The following ADAMTS14 variants were observed in gnomAD, a reference collection of about 807,000 sequenced individuals.
ADAMTS14 encodes A disintegrin and metalloproteinase with thrombospondin motifs 14.
ADAMTS14 carries 100 observed loss-of-function variants against 128.6 expected under a neutral mutation model. The observed-to-expected ratio is 0.78, with a 90% CI of 0.66 to 0.92. The LOEUF is 0.92. Ranked by LOEUF, ADAMTS14 falls within the 40% of genes least tolerant of loss-of-function variation. The probability of loss-of-function intolerance (pLI) is 0.00; values close to 1 mark genes in which losing one functional copy is unlikely to be tolerated. For missense variants in ADAMTS14, 1,562 were observed against 1,658.6 expected (o/e 0.94, Z 1.01); for synonymous variants, 665 against 653.8 (o/e 1.02, Z -0.26).
In ADAMTS14 at chr10:70,758,278, A is replaced by G; in HGVS notation, c.3171A>G (p.Ile1057Met). 1 of 1,613,964 alleles carries G rather than the reference A, an allele frequency of 6.2e-7. No homozygotes were observed. The highest frequency in any genetic ancestry group is 8.5e-7 in the Non-Finnish European group (1 of 1,179,868). Residue 1057 changes from isoleucine (I) to methionine (M), a missense_variant, in exon 21 of 22, where the codon ATA becomes ATG. Physicochemically the swap from Ile to Met is conservative, Grantham distance 10. Coordinates refer to ENST00000373207, the MANE Select transcript of ADAMTS14 (RefSeq NM_080722.4). ...QSEPLHPINK[I>M]SSTEPCTGDR... Reference sequence around the variant, plus strand: ...AACCCCTACATCCCATTAACAAGATATCATCAAGTAAGTACAGTCTATGGA... The same window carrying G: ...AACCCCTACATCCCATTAACAAGATGTCATCAAGTAAGTACAGTCTATGGA...
intron 3 of ADAMTS14, among the ~76,000 whole-genome samples, chr10:70,707,231 A>G (rs1589282261): frequency 1.3e-5 from 2 of 152,072 alleles, no homozygotes; most frequent in Non-Finnish European, 2.9e-5. Flanking sequence ...TCACCTACCC[A>G]CCGTCCATCC....
chr10:70,672,859 C>G lies in ADAMTS14; in HGVS notation c.57C>G (p.Cys19Trp). 6.6e-7 allele frequency: 1 copy of G among 1,504,036 alleles called. No individual in the cohort carries two copies. Among genetic ancestry groups the G allele is most frequent in the African/African-American group, 1.4e-5 (1 of 68,990 alleles). The allele number at this position is 1,504,036 out of a possible 1,614,324, so 93.2% of individuals were successfully genotyped here. A position where few individuals can be genotyped will look rare whatever the true frequency, so the allele number is the denominator to read the frequency against. The change falls in exon 1 of 22, where the codon TGC becomes TGG. Residue 19 changes from cysteine to tryptophan, a missense_variant. Cys to Trp is a radical substitution (Grantham distance 215, BLOSUM62 -2). Coordinates refer to ENST00000373207, the MANE Select transcript of ADAMTS14 (RefSeq NM_080722.4). ...TGCTGCCTTTGCACTGTGCGCTCTGCGCCGCCGCGGGCAGCCGGACCCCAG... is the reference window on the plus strand; with the variant it reads ...TGCTGCCTTTGCACTGTGCGCTCTGGGCCGCCGCGGGCAGCCGGACCCCAG... Reference protein sequence around the residue: ...SYLLPLHCALCAAAGSRTPEL... With the variant: ...SYLLPLHCALWAAAGSRTPEL...
chr10:70,722,702 C>T (rs1289472650), intron 4 of ADAMTS14, among the ~76,000 whole-genome samples: 1 of 152,140 alleles, frequency 6.6e-6, no homozygotes, highest in African/African-American at 2.4e-5. Flanking sequence ...ACACAGGACC[C>T]AACTCAAAGA....
intron 15 of ADAMTS14, among the ~76,000 whole-genome samples, chr10:70,746,996 A>C (rs974980594): frequency 2.0e-5 from 3 of 152,000 alleles, no homozygotes; most frequent in African/African-American, 7.2e-5. Flanking sequence ...GCTTGGTGCC[A>C]ATTTCATCAT....
At chr10:70,693,746 C>A (rs565120953) in intron 2 of ADAMTS14, among the ~76,000 whole-genome samples, 1 of 152,290 alleles carries the variant, frequency 6.6e-6, no homozygotes, top group African/African-American at 2.4e-5. Flanking sequence ...ACCTCAGTAG[C>A]CTTTCACCCA....
rs536520964 is a variant in ADAMTS14, at chr10:70,679,727, G to A, written c.522+4732G>A. On this transcript the variant is annotated intron_variant, in intron 2 of 21. Transcript: ENST00000373207. ...GCCTCTGTGAGTCAGGGCCTGGCGC[G>A]GAAGCAGCCACACGTGTAAGATTTG... Among the ~76,000 whole-genome samples the A allele has an allele frequency of 2.6e-5, 4 of 152,370 alleles. No individual in the cohort carries two copies. The South Asian group carries it at 6.2e-4, about 24-fold the overall frequency.
intron 15 of ADAMTS14, among the ~76,000 whole-genome samples, chr10:70,748,324 G>A (rs1842245977): frequency 6.6e-6 from 1 of 152,194 alleles, no homozygotes; most frequent in Non-Finnish European, 1.5e-5. Context: ...TGAGGTGCAG[G>A]CACAGTCAAA....
In ADAMTS14 at chr10:70,739,117, C is replaced by A; in HGVS notation, c.1748+127C>A. On this transcript the variant is annotated intron_variant, in intron 11 of 21. Transcript: ENST00000373207. ...CCCTGTGGGTGGTTGTGTATGCTAACGCATGAGGACACAAACTTGTTGGTG... is the reference window on the plus strand; with the variant it reads ...CCCTGTGGGTGGTTGTGTATGCTAAAGCATGAGGACACAAACTTGTTGGTG... The A allele has an allele frequency of 4.2e-6, 5 of 1,177,218 alleles. No individual in the cohort carries two copies. The South Asian group carries it at 6.4e-5, about 15-fold the overall frequency. The allele number at this position is 1,177,218 out of a possible 1,614,324, so 72.9% of individuals were successfully genotyped here. A position where few individuals can be genotyped will look rare whatever the true frequency, so the allele number is the denominator to read the frequency against.
intron 17 of ADAMTS14, 126 bp from the exon 18 acceptor site, chr10:70,751,969 G>C (rs548406209): frequency 8.0e-4 from 1,103 of 1,377,734 alleles, no homozygotes; most frequent in Non-Finnish European, 1.0e-3. Context: ...GTGGGCAGGC[G>C]GGGGCATAGG....
intron 12 of ADAMTS14, among the ~76,000 whole-genome samples, chr10:70,741,715 C>T (rs1052227454): frequency 6.6e-6 from 1 of 152,114 alleles, no homozygotes; most frequent in Non-Finnish European, 1.5e-5. Flanking sequence ...ACTCTCTAGG[C>T]TGCCCTGGGA....
intron 9 of ADAMTS14, among the ~76,000 whole-genome samples, chr10:70,736,012 T>C (rs1841816356): frequency 6.6e-6 from 1 of 152,162 alleles, no homozygotes; most frequent in African/African-American, 2.4e-5. Flanking sequence ...CCCCCAACCA[T>C]GTGTGGACAC....
Position 70,719,367 on chromosome 10 carries a change from T to TACAC in ADAMTS14, c.871-9884_871-9881dup, listed in dbSNP as rs61607600. 9.5e-3 allele frequency among the ~76,000 whole-genome samples: 1,345 copies of TACAC among 142,186 alleles called. 11 individuals carry two copies. Among genetic ancestry groups the TACAC allele is most frequent in the African/African-American group, 0.027 (1,003 of 37,546 alleles). 93.3% of individuals were successfully genotyped at this position (142,186 alleles called of 152,430 possible). On this transcript the variant is annotated intron_variant, in intron 4 of 21. Transcript: ENST00000373207. ...CGTGGACAGCATCTCACTCCACAAA[T>TACAC]ACACACACACACACACACACACACA...
At chr10:70,748,825 G>A (rs1297014210) in intron 15 of ADAMTS14, among the ~76,000 whole-genome samples, 1 of 152,228 alleles carries the variant, frequency 6.6e-6, no homozygotes, top group African/African-American at 2.4e-5. Context: ...GACACCCCAA[G>A]GCTCTGGAGC....
At chr10:70,748,380 A>G (rs892151722) in intron 15 of ADAMTS14, among the ~76,000 whole-genome samples, 6 of 152,232 alleles carry the variant, frequency 3.9e-5, no homozygotes, top group African/African-American at 1.4e-4. Flanking sequence ...GGAGCTGCCC[A>G]GCCTTAGCTT....
chr10:70,688,746 A>C (rs1359247317), intron 2 of ADAMTS14, among the ~76,000 whole-genome samples: 3 of 60,714 alleles, frequency 4.9e-5, no homozygotes, highest in African/African-American at 1.6e-4. Flanking sequence ...AATCGCAGGC[A>C]TTCGGCAGAC....
At chr10:70,732,138 A>G (rs1217745498) in intron 6 of ADAMTS14, 116 bp from the exon 7 acceptor site, 1 of 895,222 alleles carries the variant, frequency 1.1e-6, no homozygotes, top group East Asian at 2.6e-5. Context: ...GTCTTCCTCC[A>G]GGAACGTCCC....
At chr10:70,680,798 T>C (rs1367053776) in intron 2 of ADAMTS14, among the ~76,000 whole-genome samples, 1 of 152,128 alleles carries the variant, frequency 6.6e-6, no homozygotes, top group Non-Finnish European at 1.5e-5. Flanking sequence ...TGCACCACCA[T>C]GCCCAGCTGA....
intron 8 of ADAMTS14, 37 bp downstream of exon 8, chr10:70,734,065 G>C (rs746109943): frequency 3.2e-5 from 51 of 1,595,118 alleles, no homozygotes; most frequent in Non-Finnish European, 4.3e-5. Context: ...GGATAGGGGA[G>C]CATGCGACCT....
At chr10:70,673,225 T>G (rs899890208) in intron 1 of ADAMTS14, among the ~76,000 whole-genome samples, 5 of 152,108 alleles carry the variant, frequency 3.3e-5, no homozygotes, top group Non-Finnish European at 5.9e-5. Context: ...TCTTTCAATG[T>G]CTTTTCTGTC....
Sources: gnomAD v4.1 joint callset for allele counts (sites outside exome capture counted in the v4.1 genomes callset) on GRCh38, gnomAD v4.1.1 for gene constraint, MANE v1.5 for transcripts, NCBI Gene and HGNC (gene_info 2026-07-23, HGNC 2026-07-21) for gene names.